ROCK1: variants seen among roughly 807,000 people sequenced by gnomAD.
ROCK1 encodes the protein rho-associated protein kinase 1.
A neutral mutation model predicts 196.8 loss-of-function variants in ROCK1; 36 were observed. That is an observed-to-expected ratio of 0.18 (90% CI 0.14 to 0.24). The LOEUF is 0.24. Ranked by LOEUF, ROCK1 falls within the 10% of genes least tolerant of loss-of-function variation. The pLI, the probability that ROCK1 is intolerant of heterozygous loss-of-function variation, is 1.00. For missense variants in ROCK1, 920 were observed against 1,562.0 expected, an observed-to-expected ratio of 0.59 and a Z score of 6.93; for synonymous variants, 443 against 515.9, an observed-to-expected ratio of 0.86 and a Z score of 1.91.
rs772276726 is a variant in ROCK1 at position 20,984,509 on chromosome 18, C to T, written c.2331G>A (p.Glu777=). The T allele has an allele frequency of 1.9e-6, 3 of 1,612,246 alleles. No individual in the cohort carries two copies. Among genetic ancestry groups the T allele is most frequent in the Admixed American group, 3.4e-5 (2 of 59,636 alleles). The change falls in exon 20 of 33, where the codon GAG becomes GAA. Residue 777 remains glutamate, a synonymous_variant. Coordinates refer to ENST00000399799, the MANE Select transcript of ROCK1 (RefSeq NM_005406.3). ...DEVKNLTLQL[E]QESNKRLLLQ... ...ACAACAGCCGCTTATTTGATTCCTG[C>T]TCCAGTTGCAGGGTTAGATTCTTAA...
chr18:20,986,577 T>C (rs2035580021), intron 19 of ROCK1, among the ~76,000 whole-genome samples: 1 of 152,240 alleles, frequency 6.6e-6, no homozygotes, highest in African/African-American at 2.4e-5. Flanking sequence ...CAGGAAAGAC[T>C]GCAGTTAAAC....
At chr18:21,050,127 T>G (rs2036192230) in intron 2 of ROCK1, among the ~76,000 whole-genome samples, 1 of 152,142 alleles carries the variant, frequency 6.6e-6, no homozygotes, top group South Asian at 2.1e-4. Flanking sequence ...AAATTTGACT[T>G]AACAGAATGT....
rs149297101 is a variant in ROCK1, at chr18:20,975,403, G to C, written c.2654+4507C>G. 2.7e-3 allele frequency among the ~76,000 whole-genome samples: 408 copies of C among 152,156 alleles called. 2 individuals are homozygous for C. The highest frequency in any genetic ancestry group is 4.7e-3 in the Non-Finnish European group (319 of 68,002). ...TAATTGGTTTGTTGAATAGAAATAA[G>C]GCTAATCAGGCTGTTAGATATACTC... On this transcript the variant is annotated intron_variant, in intron 22 of 32. Transcript: ENST00000399799.
chr18:21,104,335 T>C (rs1460919353), intron 1 of ROCK1, among the ~76,000 whole-genome samples: 1 of 152,206 alleles, frequency 6.6e-6, no homozygotes, highest in Non-Finnish European at 1.5e-5. Flanking sequence ...GCGGCGCTCA[T>C]GCCTGTAATC....
intron 1 of ROCK1, among the ~76,000 whole-genome samples, chr18:21,107,542 G>A (rs376991918): frequency 6.6e-6 from 1 of 152,082 alleles, no homozygotes; most frequent in African/African-American, 2.4e-5. Flanking sequence ...AATGTAAAAG[G>A]AGTTTTGTTC....
chr18:20,949,478 T>C lies in ROCK1; in HGVS notation c.*1906A>G, dbSNP rs1295460991. 6.6e-6 allele frequency: 1 copy of C among 152,326 alleles called. No homozygotes were observed. The highest frequency in any genetic ancestry group is 2.4e-5 in the African/African-American group (1 of 41,468). The allele number at this position is 152,326 out of a possible 1,614,324, so 9.4% of individuals were successfully genotyped here. A position where few individuals can be genotyped will look rare whatever the true frequency, so the allele number is the denominator to read the frequency against. ...GGTGGGTGCTGAGCACACAGTGGGT[T>C]TGCATCATAGGTGGGAGACGTTATC... is the stretch of plus-strand genomic sequence containing the variant. On this transcript the variant is annotated 3_prime_UTR_variant, in exon 33 of 33. Transcript: ENST00000399799.
chr18:20,967,593 T>C (rs891206916), intron 26 of ROCK1, among the ~76,000 whole-genome samples, 159 bp downstream of exon 26: 3 of 152,206 alleles, frequency 2.0e-5, no homozygotes, highest in African/African-American at 7.2e-5. Context: ...TTATAGTTAA[T>C]ATTATAACAG....
chr18:21,001,572 CT>C (rs1258315620), intron 16 of ROCK1, among the ~76,000 whole-genome samples: 1 of 151,746 alleles, frequency 6.6e-6, no homozygotes, highest in African/African-American at 2.4e-5. Context: ...TCAAGACATC[CT>C]GGCCAACATG....
At chr18:20,961,741 A>C (rs114055460) in intron 27 of ROCK1, among the ~76,000 whole-genome samples, 2,261 of 151,370 alleles carry the variant, frequency 0.015, 57 homozygotes, top group African/African-American at 0.051. Flanking sequence ...CTTCATATAA[A>C]TTGTTAAAAT....
chr18:20,976,351 T>G (rs1299960588), intron 22 of ROCK1, among the ~76,000 whole-genome samples: 1 of 152,214 alleles, frequency 6.6e-6, no homozygotes, highest in Admixed American at 6.5e-5. Flanking sequence ...TTCAAATGCC[T>G]AGAAAATTGT....
intron 1 of ROCK1, among the ~76,000 whole-genome samples, chr18:21,095,784 C>A (rs1343575526): frequency 8.0e-5 from 12 of 150,438 alleles, no homozygotes; most frequent in Admixed American, 6.6e-4. Context: ...TTTGATAGCA[C>A]AACAGGCTAA....
intron 28 of ROCK1, 35 bp from the exon 29 acceptor site, chr18:20,959,963 G>T: frequency 1.5e-6 from 2 of 1,340,194 alleles, no homozygotes; most frequent in Non-Finnish European, 2.1e-6. Flanking sequence ...AGTTACAAGA[G>T]CAACATTAAC....
chr18:20,947,656 A>C lies in ROCK1; in HGVS notation c.*3728T>G, dbSNP rs970619881. The C allele has an allele frequency of 3.9e-5, 6 of 152,224 alleles. No individual in the cohort carries two copies. 9.4% of individuals were successfully genotyped at this position (152,224 alleles called of 1,614,324 possible). On this transcript the variant is annotated 3_prime_UTR_variant, in exon 33 of 33. Coordinates refer to ENST00000399799, the MANE Select transcript of ROCK1 (RefSeq NM_005406.3). ...AACATAATCTCATCGGATTGTCATT[A>C]TATGACTATTTATTAACCTAATGAT... is the stretch of plus-strand genomic sequence containing the variant.
At chr18:20,971,041 C>T (rs1449757837) in intron 22 of ROCK1, among the ~76,000 whole-genome samples, 2 of 152,084 alleles carry the variant, frequency 1.3e-5, no homozygotes, top group African/African-American at 4.8e-5. Context: ...TTGCAAATCA[C>T]TACAAACTAA....
At chr18:21,074,942 G>A (rs1211291943) in intron 1 of ROCK1, among the ~76,000 whole-genome samples, 1 of 152,128 alleles carries the variant, frequency 6.6e-6, no homozygotes, top group Non-Finnish European at 1.5e-5. Context: ...GCAATCTAGA[G>A]GTGAAAAGCA....
chr18:21,061,891 G>A (rs2036294766), intron 2 of ROCK1, among the ~76,000 whole-genome samples: 1 of 152,134 alleles, frequency 6.6e-6, no homozygotes, highest in South Asian at 2.1e-4. Context: ...CCAATAATGG[G>A]AGCCAGGTTT....
At chr18:21,081,789 C>T (rs892598841) in intron 1 of ROCK1, among the ~76,000 whole-genome samples, 11 of 152,100 alleles carry the variant, frequency 7.2e-5, no homozygotes, top group Admixed American at 1.3e-4. Context: ...AGCATACAAT[C>T]TGCCAAAAAT....
At chr18:21,076,606 G>T (rs2036433632) in intron 1 of ROCK1, among the ~76,000 whole-genome samples, 1 of 152,004 alleles carries the variant, frequency 6.6e-6, no homozygotes, top group Middle Eastern at 3.4e-3. Context: ...TAGAGATGGG[G>T]TTTCACCATG....
chr18:20,984,488 C>T lies in ROCK1; in HGVS notation c.2352G>A (p.Leu784=), dbSNP rs375872459. 1.0e-4 allele frequency: 166 copies of T among 1,613,310 alleles called. No homozygotes were observed. Among genetic ancestry groups the T allele is most frequent in the Non-Finnish European group, 1.3e-4 (155 of 1,179,858 alleles). ...LQLEQESNKR[L]LLQNELKTQA... ...GAGTCTTCAATTCATTTTGTAACAA[C>T]AGCCGCTTATTTGATTCCTGCTCCA... The change falls in exon 20 of 33, where the codon CTG becomes CTA. Residue 784 remains leucine, a synonymous_variant. Coordinates refer to ENST00000399799, the MANE Select transcript of ROCK1 (RefSeq NM_005406.3).
Sources: allele counts gnomAD v4.1 joint callset (sites outside exome capture counted in the v4.1 genomes callset), GRCh38; gene constraint gnomAD v4.1.1; transcripts MANE v1.5; gene names NCBI Gene and HGNC (gene_info 2026-07-23, HGNC 2026-07-21).